The following PARD3B variants were observed in gnomAD, a reference collection of about 807,000 sequenced individuals.
PARD3B encodes par-3 family cell polarity regulator beta, also known as partitioning defective 3 homolog B.
In PARD3B, 103 loss-of-function variants were observed where a neutral mutation model predicts 130.2. The observed-to-expected ratio is 0.79, with a 90% CI of 0.67 to 0.93. PARD3B has a LOEUF of 0.93. Among genes scored for constraint, PARD3B ranks in the 40% least tolerant of loss-of-function variants. PARD3B has a pLI of 0.00. For synonymous variants in PARD3B, 583 were observed against 553.2 expected (o/e 1.05, Z -0.76); for missense variants, 1,609 against 1,499.2 (o/e 1.07, Z -1.21).
At chr2:205,436,946 A>G (rs1370017078) in intron 19 of PARD3B, among the ~76,000 whole-genome samples, 1 of 151,838 alleles carries the variant, frequency 6.6e-6, no homozygotes, top group Non-Finnish European at 1.5e-5. Context: ...CAGGGGAAAT[A>G]TCTCTCTTCT....
At chr2:205,511,755 GTAT>G (rs1203687234) in intron 21 of PARD3B, among the ~76,000 whole-genome samples, 1 of 152,014 alleles carries the variant, frequency 6.6e-6, no homozygotes, top group African/African-American at 2.4e-5. Flanking sequence ...TATCTAACTG[GTAT>G]TTATAGCACA....
At chr2:205,088,080 C>G (rs1292782262) in intron 4 of PARD3B, among the ~76,000 whole-genome samples, 1 of 152,164 alleles carries the variant, frequency 6.6e-6, no homozygotes, top group Non-Finnish European at 1.5e-5. Flanking sequence ...TAGTGTCAGG[C>G]TCTAAAGATT....
intron 1 of PARD3B, among the ~76,000 whole-genome samples, chr2:204,667,352 A>G (rs2036071959): frequency 6.6e-6 from 1 of 151,682 alleles, no homozygotes. Flanking sequence ...TTTTACCTTA[A>G]ATATTTTTTT....
In PARD3B at chr2:205,530,985, G is replaced by A. The variant is rs118135663; in HGVS notation, c.3181-22339G>A. Among the ~76,000 whole-genome samples the A allele has an allele frequency of 6.6e-6, 1 of 152,170 alleles. No individual in the cohort carries two copies. Among genetic ancestry groups the A allele is most frequent in the Non-Finnish European group, 1.5e-5 (1 of 68,028 alleles). ...TCTGAAAGGTAAGATTTCAATATCT[G>A]TATGTAGACTGTGACCTTTGCAAAA... On this transcript the variant is annotated intron_variant, in intron 21 of 22. Transcript: ENST00000406610. The surrounding 1 kb of genome is among the most constrained non-coding windows in gnomAD (Gnocchi z 4.7).
Position 205,054,428 on chromosome 2 carries a change from A to AT in PARD3B, c.504+6739dup, listed in dbSNP as rs1344857439. 3.1e-3 allele frequency among the ~76,000 whole-genome samples: 98 copies of AT among 31,808 alleles called. 1 individual carries two copies. Among genetic ancestry groups the AT allele is most frequent in the African/African-American group, 0.011 (77 of 7,220 alleles). 20.9% of individuals were successfully genotyped at this position (31,808 alleles called of 152,430 possible). On this transcript the variant is annotated intron_variant, in intron 4 of 22. Transcript: ENST00000406610. ...TTTATATATATATATATATATATATATATATATATTTTTTTTTTTTTTTTT... is the reference window on the plus strand; with the variant it reads ...TTTATATATATATATATATATATATATTATATATATTTTTTTTTTTTTTTTT...
At chr2:205,081,549 T>A (rs955878953) in intron 4 of PARD3B, among the ~76,000 whole-genome samples, 22 of 152,168 alleles carry the variant, frequency 1.4e-4, no homozygotes, top group African/African-American at 5.3e-4. Flanking sequence ...TTTTAATAGA[T>A]TCCCTATGTT....
At chr2:204,871,798 A>G (rs2045639030) in intron 2 of PARD3B, among the ~76,000 whole-genome samples, 1 of 152,116 alleles carries the variant, frequency 6.6e-6, no homozygotes, top group Non-Finnish European at 1.5e-5. Flanking sequence ...AGATGGAGCT[A>G]TGAGATCTTT....
chr2:204,792,729 G>T (rs529990405), intron 2 of PARD3B, among the ~76,000 whole-genome samples: 3 of 152,110 alleles, frequency 2.0e-5, no homozygotes, highest in Admixed American at 1.3e-4. Context: ...GAAGTCCTGG[G>T]CTTTCTTAAG....
rs1480170767 is a variant in PARD3B, at chr2:205,142,236, A to G, written c.1435-16486A>G. Among the ~76,000 whole-genome samples, 3 of 152,186 alleles carry G rather than the reference A, an allele frequency of 2.0e-5. No individual in the cohort carries two copies. Among genetic ancestry groups the G allele is most frequent in the Non-Finnish European group, 4.4e-5 (3 of 68,032 alleles). ...TGGCAAAGCAGGGTAAAGAGAGAGC[A>G]TAAGTTTTAGGTGGAGAGAATCCCA... On this transcript the variant is annotated intron_variant, in intron 10 of 22. Coordinates refer to ENST00000406610, the MANE Select transcript of PARD3B (RefSeq NM_001302769.2). This position sits in a 1 kb window ranked among gnomAD's most constrained non-coding sequence, Gnocchi z 4.3.
At chr2:205,052,457 A>T (rs935486955) in intron 4 of PARD3B, among the ~76,000 whole-genome samples, 4 of 144,634 alleles carry the variant, frequency 2.8e-5, no homozygotes, top group Admixed American at 7.0e-5. Context: ...ATATAAAATT[A>T]AAAAAATAAG....
chr2:204,741,349 A>T (rs1353050047), intron 2 of PARD3B, among the ~76,000 whole-genome samples: 2 of 152,114 alleles, frequency 1.3e-5, no homozygotes, highest in Non-Finnish European at 2.9e-5. Context: ...GATGCTGCTG[A>T]GTTCTTTGTT....
At chr2:205,252,853 C>CCAA (rs2039916027) in intron 16 of PARD3B, among the ~76,000 whole-genome samples, 15 of 80,430 alleles carry the variant, frequency 1.9e-4, no homozygotes, top group African/African-American at 4.3e-4. Flanking sequence ...CCCCCCCCAC[C>CCAA]AAAAAAAAAA....
intron 22 of PARD3B, among the ~76,000 whole-genome samples, chr2:205,565,032 G>A (rs1435930572): frequency 6.6e-6 from 1 of 152,164 alleles, no homozygotes; most frequent in Non-Finnish European, 1.5e-5. Context: ...TCCACCAACA[G>A]TACACTCTGG....
chr2:205,275,283 A>G (rs2040894147), intron 16 of PARD3B, among the ~76,000 whole-genome samples: 2 of 152,190 alleles, frequency 1.3e-5, no homozygotes, highest in South Asian at 4.1e-4. Context: ...AACAGTTTGT[A>G]TGAGAAGACG....
chr2:205,246,433 G>A (rs1169861718), intron 16 of PARD3B, among the ~76,000 whole-genome samples: 2 of 152,004 alleles, frequency 1.3e-5, no homozygotes, highest in Non-Finnish European at 2.9e-5. Flanking sequence ...TTGCCAAGTC[G>A]ACTGCCTTCT....
chr2:204,627,395 T>C (rs1325136204), intron 1 of PARD3B, among the ~76,000 whole-genome samples: 1 of 152,200 alleles, frequency 6.6e-6, no homozygotes, highest in African/African-American at 2.4e-5. Context: ...TTCATAACAA[T>C]AGAATGTACA....
intron 15 of PARD3B, among the ~76,000 whole-genome samples, chr2:205,237,979 A>G (rs1044330485): frequency 1.1e-4 from 16 of 152,328 alleles, no homozygotes; most frequent in African/African-American, 3.6e-4. Flanking sequence ...AAATACATTT[A>G]CACTACACCA....
chr2:205,465,947 A>G (rs1051505482), intron 20 of PARD3B, among the ~76,000 whole-genome samples: 5 of 152,230 alleles, frequency 3.3e-5, no homozygotes, highest in Non-Finnish European at 5.9e-5. Context: ...GGAGGTGGTC[A>G]GCTTCCATGG....
intron 2 of PARD3B, among the ~76,000 whole-genome samples, chr2:204,722,656 A>C (rs369391093): frequency 3.9e-5 from 6 of 152,150 alleles, no homozygotes; most frequent in Non-Finnish European, 7.4e-5. Flanking sequence ...TCATTTATCA[A>C]TTCCAGGAAA....
Sources: gnomAD v4.1 joint callset for allele counts (sites outside exome capture counted in the v4.1 genomes callset) on GRCh38, gnomAD v4.1.1 for gene constraint, Gnocchi (gnomAD v3.1) non-coding constraint, MANE v1.5 for transcripts, NCBI Gene and HGNC (gene_info 2026-07-23, HGNC 2026-07-21) for gene names.